The following GALNT2 variants were observed in gnomAD, a reference collection of about 807,000 sequenced individuals.
GALNT2 encodes UDP-GalNAc:polypeptide N-acetylgalactosaminyltransferase 2.
In GALNT2, 31 loss-of-function variants were observed where a neutral mutation model predicts 81.4. The ratio of observed to expected loss-of-function variants is 0.38; its 90% CI spans 0.29 to 0.51. GALNT2 has a LOEUF of 0.51. Among genes scored for constraint, GALNT2 ranks in the 20% least tolerant of loss-of-function variants. The pLI is 0.87. For synonymous variants in GALNT2, 303 were observed against 287.4 expected (o/e 1.05, Z -0.55); for missense variants, 629 against 765.7 (o/e 0.82, Z 2.11).
intron 6 of GALNT2, among the ~76,000 whole-genome samples, chr1:230,237,143 G>A (rs769928658): frequency 6.6e-6 from 1 of 152,214 alleles, no homozygotes; most frequent in Admixed American, 6.5e-5. Context: ...CCAAAATGGG[G>A]AGACAGTACT....
At chr1:230,245,269 G>A (rs2102743614) in intron 7 of GALNT2, among the ~76,000 whole-genome samples, 1 of 152,162 alleles carries the variant, frequency 6.6e-6, no homozygotes, top group Admixed American at 6.5e-5. Flanking sequence ...TTCAAGAATA[G>A]CCTGACCAAC....
At chr1:230,225,072 T>C (rs954250269) in intron 3 of GALNT2, among the ~76,000 whole-genome samples, 1 of 152,234 alleles carries the variant, frequency 6.6e-6, no homozygotes, top group African/African-American at 2.4e-5. Context: ...TTGGTTCTGT[T>C]TAGTTTTGAA....
chr1:230,172,153 A>G (rs954900486), intron 1 of GALNT2, among the ~76,000 whole-genome samples: 12 of 152,224 alleles, frequency 7.9e-5, no homozygotes, highest in African/African-American at 2.9e-4. Flanking sequence ...GTGACAGGGC[A>G]ACAGTGAGTG....
rs1003590125 is a variant in GALNT2, at chr1:230,243,902, T to C, written c.729+475T>C. Among the ~76,000 whole-genome samples the C allele has an allele frequency of 6.6e-6, 1 of 152,148 alleles. No individual in the cohort carries two copies. The highest frequency in any genetic ancestry group is 1.5e-5 in the Non-Finnish European group (1 of 68,036). On this transcript the variant is annotated intron_variant, in intron 7 of 15. Transcript: ENST00000366672. This position sits in a 1 kb window ranked among gnomAD's most constrained non-coding sequence, Gnocchi z 4.2. ...TTAGCCCAGCAGGCTTCCAGGCTCC[T>C]GTGGGAGAGGGTTGTGGCTAGGAAG...
intron 6 of GALNT2, among the ~76,000 whole-genome samples, chr1:230,238,019 T>TA (rs1665085316): frequency 6.6e-6 from 1 of 152,334 alleles, no homozygotes; most frequent in Admixed American, 6.5e-5. Context: ...CCCGTGCTGA[T>TA]ACGTTGTTTC....
chr1:230,072,835 C>T (rs1659417513), intron 1 of GALNT2, among the ~76,000 whole-genome samples: 1 of 152,214 alleles, frequency 6.6e-6, no homozygotes, highest in Admixed American at 6.5e-5. Flanking sequence ...TGAGGGGCCT[C>T]TTGGACCCAC....
chr1:230,160,825 C>A (rs1017893016), intron 1 of GALNT2, among the ~76,000 whole-genome samples: 9 of 152,062 alleles, frequency 5.9e-5, no homozygotes, highest in African/African-American at 1.2e-4. Flanking sequence ...CTCTTAGACC[C>A]TTTTTCTGTG....
intron 1 of GALNT2, among the ~76,000 whole-genome samples, chr1:230,141,650 A>G (rs1661737510): frequency 1.3e-5 from 2 of 152,082 alleles, no homozygotes; most frequent in Non-Finnish European, 2.9e-5. Context: ...TGAATATTCC[A>G]TTTTATGGTT....
intron 1 of GALNT2, among the ~76,000 whole-genome samples, chr1:230,145,664 G>T (rs1302620960): frequency 6.6e-6 from 1 of 152,232 alleles, no homozygotes; most frequent in Non-Finnish European, 1.5e-5. Context: ...CCTTGGCATA[G>T]TGCCAATGGG....
rs192619110 is a variant in GALNT2 at position 230,097,313 on chromosome 1, A to G, written c.126+29907A>G. On this transcript the variant is annotated intron_variant, in intron 1 of 15. Coordinates refer to ENST00000366672, the MANE Select transcript of GALNT2 (RefSeq NM_004481.5). ...CAGGTAAGTGGTATTAAGTACATTCATATTATTGTGCAGCCATGTCCACCG... is the reference window on the plus strand; with the variant it reads ...CAGGTAAGTGGTATTAAGTACATTCGTATTATTGTGCAGCCATGTCCACCG... 5.9e-5 allele frequency among the ~76,000 whole-genome samples: 9 copies of G among 152,258 alleles called. No homozygotes were observed. In the South Asian group the frequency reaches 1.9e-3, roughly 32 times the overall value.
intron 1 of GALNT2, among the ~76,000 whole-genome samples, chr1:230,108,211 C>T (rs184403464): frequency 3.3e-4 from 51 of 152,324 alleles, no homozygotes; most frequent in Non-Finnish European, 6.2e-4. Context: ...TGAAAGAGCA[C>T]TTCTAATTGG....
intron 1 of GALNT2, among the ~76,000 whole-genome samples, chr1:230,102,397 A>G (rs1299049062): frequency 6.6e-6 from 1 of 152,116 alleles, no homozygotes; most frequent in East Asian, 1.9e-4. Context: ...ATCAAAATAA[A>G]CGTGGCAATT....
chr1:230,195,433 G>C (rs1663661557), intron 2 of GALNT2, among the ~76,000 whole-genome samples: 1 of 152,142 alleles, frequency 6.6e-6, no homozygotes, highest in African/African-American at 2.4e-5. Flanking sequence ...GAGGCTTGCA[G>C]AGAGAGGAGA....
At chr1:230,079,308 A>G (rs1268096408) in intron 1 of GALNT2, among the ~76,000 whole-genome samples, 1 of 152,248 alleles carries the variant, frequency 6.6e-6, no homozygotes, top group Non-Finnish European at 1.5e-5. Context: ...GAGATGTCTG[A>G]AATGCTTTAG....
chr1:230,074,002 C>T (rs189257922), intron 1 of GALNT2, among the ~76,000 whole-genome samples: 1 of 152,120 alleles, frequency 6.6e-6, no homozygotes, highest in East Asian at 1.9e-4. Context: ...GAGTTCAGGT[C>T]AGGACATGCA....
intron 1 of GALNT2, among the ~76,000 whole-genome samples, chr1:230,118,674 C>A (rs1048871283): frequency 6.6e-6 from 1 of 151,986 alleles, no homozygotes; most frequent in Admixed American, 6.6e-5. Context: ...CTTTGCCCTA[C>A]GGGGACTGGC....
At chr1:230,147,051 T>C (rs1193305323) in intron 1 of GALNT2, among the ~76,000 whole-genome samples, 1 of 151,722 alleles carries the variant, frequency 6.6e-6, no homozygotes, top group Non-Finnish European at 1.5e-5. Context: ...GCAGGGTGAA[T>C]TGGGAAGGAG....
intron 1 of GALNT2, among the ~76,000 whole-genome samples, chr1:230,087,888 A>G (rs143310061): frequency 1.3e-4 from 20 of 152,310 alleles, no homozygotes; most frequent in African/African-American, 4.8e-4. Context: ...GCTTTTAGCT[A>G]TGAGTACTTA....
chr1:230,061,332 T>C (rs889009670), intron 1 of GALNT2, among the ~76,000 whole-genome samples: 2 of 152,062 alleles, frequency 1.3e-5, no homozygotes, highest in African/African-American at 4.8e-5. Context: ...TCTTCCATAG[T>C]GAAAAGCCTA....
Sources: gnomAD v4.1 joint callset for allele counts (sites outside exome capture counted in the v4.1 genomes callset) on GRCh38, gnomAD v4.1.1 for gene constraint, Gnocchi (gnomAD v3.1) non-coding constraint, MANE v1.5 for transcripts, NCBI Gene and HGNC (gene_info 2026-07-23, HGNC 2026-07-21) for gene names.